ATRNL1: variants seen among roughly 807,000 people sequenced by gnomAD.
ATRNL1 encodes attractin-like protein 1.
ATRNL1 carries 95 observed loss-of-function variants against 182.7 expected under a neutral mutation model. The observed-to-expected ratio is 0.52, with a 90% CI of 0.44 to 0.62. ATRNL1 has a LOEUF of 0.62. ATRNL1 is among the 20% of genes least tolerant of loss of function. The pLI, the probability that ATRNL1 is intolerant of heterozygous loss-of-function variation, is 0.00. For missense variants in ATRNL1, 1,471 were observed against 1,679.5 expected, an observed-to-expected ratio of 0.88 and a Z score of 2.17; for synonymous variants, 576 against 568.3, an observed-to-expected ratio of 1.01 and a Z score of -0.19.
chr10:115,148,209 C>CT (rs1846056195), intron 5 of ATRNL1, among the ~76,000 whole-genome samples: 1 of 151,984 alleles, frequency 6.6e-6, no homozygotes, highest in African/African-American at 2.4e-5. Flanking sequence ...TTTTTTGTAG[C>CT]TATTGTATTG....
chr10:115,757,977 C>T (rs567049121), intron 27 of ATRNL1, among the ~76,000 whole-genome samples: 2 of 151,764 alleles, frequency 1.3e-5, no homozygotes, highest in South Asian at 2.1e-4. Flanking sequence ...GTATGCTTCA[C>T]GAAGTTCTCG....
At chr10:115,641,901 C>T (rs1431128864) in intron 26 of ATRNL1, among the ~76,000 whole-genome samples, 1 of 151,738 alleles carries the variant, frequency 6.6e-6, no homozygotes, top group East Asian at 1.9e-4. Flanking sequence ...ATTTCTCAAT[C>T]TGATTTCATC....
intron 19 of ATRNL1, among the ~76,000 whole-genome samples, chr10:115,366,139 A>T (rs1309678667): frequency 6.6e-6 from 1 of 151,920 alleles, no homozygotes; most frequent in Admixed American, 6.6e-5. Flanking sequence ...CCCATTATTA[A>T]TGTGTGGGAG....
chr10:115,599,208 C>G (rs1856452525), intron 26 of ATRNL1, among the ~76,000 whole-genome samples: 1 of 152,226 alleles, frequency 6.6e-6, no homozygotes, highest in Non-Finnish European at 1.5e-5. Context: ...CTTTACCCTC[C>G]TATTTTATCA....
intron 17 of ATRNL1, among the ~76,000 whole-genome samples, chr10:115,313,068 C>G (rs1210179241): frequency 6.6e-6 from 1 of 151,738 alleles, no homozygotes; most frequent in African/African-American, 2.4e-5. Flanking sequence ...TTGGTTTTCA[C>G]TTTTCTCTTT....
chr10:115,130,748 T>G (rs1012191523), intron 5 of ATRNL1, among the ~76,000 whole-genome samples: 2 of 152,108 alleles, frequency 1.3e-5, no homozygotes, highest in Non-Finnish European at 2.9e-5. Flanking sequence ...CTAAAATAAC[T>G]GTCTTTTCTA....
chr10:115,360,754 C>T (rs184465446), intron 19 of ATRNL1, among the ~76,000 whole-genome samples: 266 of 151,560 alleles, frequency 1.8e-3, no homozygotes, highest in Non-Finnish European at 2.5e-3. Context: ...ATGGTGGATT[C>T]CTGCACCTGT....
chr10:115,591,689 G>A (rs1188164592), intron 26 of ATRNL1, among the ~76,000 whole-genome samples: 1 of 152,022 alleles, frequency 6.6e-6, no homozygotes, highest in African/African-American at 2.4e-5. Context: ...CTATAACTTT[G>A]GTCCAAAGAA....
intron 9 of ATRNL1, among the ~76,000 whole-genome samples, chr10:115,234,041 A>G (rs1272753900): frequency 6.6e-6 from 1 of 151,954 alleles, no homozygotes; most frequent in Non-Finnish European, 1.5e-5. Flanking sequence ...TCACATGTAT[A>G]TATGTATATA....
At chr10:115,718,277 C>A (rs1467404958) in intron 26 of ATRNL1, among the ~76,000 whole-genome samples, 1 of 152,198 alleles carries the variant, frequency 6.6e-6, no homozygotes, top group African/African-American at 2.4e-5. Context: ...TTTCCCTCTG[C>A]ACTGTATCTT....
chr10:115,443,185 ATT>A (rs782223406), intron 21 of ATRNL1, among the ~76,000 whole-genome samples: 17 of 151,838 alleles, frequency 1.1e-4, no homozygotes, highest in Non-Finnish European at 1.8e-4. Flanking sequence ...AAATTTTTGC[ATT>A]TTTTTGGTGA....
intron 26 of ATRNL1, among the ~76,000 whole-genome samples, chr10:115,561,686 TGTGGGTGTGTGTGTGTGG>T (rs1242467256): frequency 1.6e-4 from 17 of 109,590 alleles, no homozygotes; most frequent in African/African-American, 5.7e-4. Flanking sequence ...TGTGTGTGTG[TGTGGGTGTGTGTGTGTGG>T]GTGTGTGTGT....
intron 28 of ATRNL1, among the ~76,000 whole-genome samples, chr10:115,890,835 G>T (rs782337111): frequency 2.1e-4 from 32 of 152,158 alleles, no homozygotes; most frequent in Non-Finnish European, 3.7e-4. Flanking sequence ...TTGCTTCTGT[G>T]CCAAATTAGT....
At chr10:115,416,151 A>T (rs963394633) in intron 20 of ATRNL1, among the ~76,000 whole-genome samples, 1 of 152,036 alleles carries the variant, frequency 6.6e-6, no homozygotes, top group East Asian at 1.9e-4. Context: ...TGCTATTCTG[A>T]TGATGTTGAG....
intron 17 of ATRNL1, among the ~76,000 whole-genome samples, chr10:115,313,945 C>A (rs1592430567): frequency 6.6e-6 from 1 of 152,134 alleles, no homozygotes; most frequent in South Asian, 2.1e-4. Flanking sequence ...AACTAGTTAA[C>A]AATACTGTGG....
intron 28 of ATRNL1, among the ~76,000 whole-genome samples, chr10:115,859,615 G>A (rs903244163): frequency 1.3e-5 from 2 of 152,000 alleles, no homozygotes; most frequent in Non-Finnish European, 2.9e-5. Flanking sequence ...TTTTTCTGGG[G>A]GTCACCTCAT....
intron 8 of ATRNL1, among the ~76,000 whole-genome samples, chr10:115,209,507 G>C (rs1848938665): frequency 6.7e-6 from 1 of 149,410 alleles, no homozygotes; most frequent in Non-Finnish European, 1.5e-5. Flanking sequence ...AAGAACTCTT[G>C]GTATATTTGA....
chr10:115,691,755 T>C (rs1946401819), intron 26 of ATRNL1, among the ~76,000 whole-genome samples: 1 of 151,204 alleles, frequency 6.6e-6, no homozygotes, highest in African/African-American at 2.5e-5. Context: ...ATCAATCTAT[T>C]CAGTTCCTTT....
intron 19 of ATRNL1, among the ~76,000 whole-genome samples, chr10:115,359,590 A>G (rs146748366): frequency 0.014 from 2,143 of 151,684 alleles, 48 homozygotes; most frequent in African/African-American, 0.049. Flanking sequence ...TTTAATTATT[A>G]TAGATGATTT....
Sources: gnomAD v4.1 joint callset for allele counts (sites outside exome capture counted in the v4.1 genomes callset) on GRCh38, gnomAD v4.1.1 for gene constraint, MANE v1.5 for transcripts, NCBI Gene and HGNC (gene_info 2026-07-23, HGNC 2026-07-21) for gene names.